The following PTPRD variants were observed in gnomAD, a reference collection of about 807,000 sequenced individuals.
The protein encoded by PTPRD is receptor-type tyrosine-protein phosphatase delta.
Under a neutral mutation model 214.5 loss-of-function variants are expected in PTPRD, and 34 were observed. That is an observed-to-expected ratio of 0.16 (90% CI 0.12 to 0.21). The LOEUF is 0.21. Among genes scored for constraint, PTPRD ranks in the 10% least tolerant of loss-of-function variants. PTPRD has a pLI of 1.00. For missense variants in PTPRD, 2,545 were observed against 2,398.7 expected (o/e 1.06, Z -1.27); for synonymous variants, 1,128 against 845.7 (o/e 1.33, Z -5.79).
At chr9:10,398,858 G>A (rs940131133) in intron 2 of PTPRD, among the ~76,000 whole-genome samples, 3 of 152,014 alleles carry the variant, frequency 2.0e-5, no homozygotes, top group East Asian at 3.9e-4. Flanking sequence ...AGAAAACTGA[G>A]GCATAAAAGG....
At chr9:8,963,992 G>T (rs543605005) in intron 11 of PTPRD, among the ~76,000 whole-genome samples, 1 of 151,946 alleles carries the variant, frequency 6.6e-6, no homozygotes, top group African/African-American at 2.4e-5. Flanking sequence ...GTTTATCAGG[G>T]ATGTTGGCCT....
At chr9:8,446,779 C>T (rs2095746391) in intron 34 of PTPRD, among the ~76,000 whole-genome samples, 1 of 152,136 alleles carries the variant, frequency 6.6e-6, no homozygotes, top group African/African-American at 2.4e-5. Flanking sequence ...ACCTGTCATG[C>T]AACACCTAAT....
In PTPRD at chr9:8,801,968, T is replaced by G. The variant is rs150625965; in HGVS notation, c.-103-68022A>C. 3.3e-5 allele frequency among the ~76,000 whole-genome samples: 5 copies of G among 152,326 alleles called. No individual in the cohort carries two copies. The East Asian group carries it at 9.7e-4, about 29-fold the overall frequency. ...AAATGTGAACTGAGATAATTCCCAC[T>G]TACTTTACCTCTCAATGAGGTAAGG... is the stretch of plus-strand genomic sequence containing the variant. On this transcript the variant is annotated intron_variant, in intron 11 of 45. Coordinates refer to ENST00000381196, the MANE Select transcript of PTPRD (RefSeq NM_002839.4).
intron 8 of PTPRD, among the ~76,000 whole-genome samples, chr9:9,557,341 T>C (rs901661695): frequency 1.3e-5 from 2 of 152,158 alleles, no homozygotes; most frequent in South Asian, 4.1e-4. Flanking sequence ...AAGCAGACTC[T>C]TTGTACCAAT....
chr9:8,969,943 G>T (rs986291669), intron 11 of PTPRD, among the ~76,000 whole-genome samples: 2 of 151,928 alleles, frequency 1.3e-5, no homozygotes, highest in South Asian at 2.1e-4. Context: ...ATAGATGAAA[G>T]CATGGTGTGT....
intron 3 of PTPRD, among the ~76,000 whole-genome samples, chr9:10,094,070 G>C (rs371850479): frequency 6.6e-6 from 1 of 151,260 alleles, no homozygotes; most frequent in Admixed American, 6.6e-5. Context: ...ATCTGCACAT[G>C]TACCTGTTGA....
intron 2 of PTPRD, among the ~76,000 whole-genome samples, chr9:10,461,811 G>A (rs538349912): frequency 1.5e-4 from 23 of 151,970 alleles, no homozygotes; most frequent in African/African-American, 4.8e-4. Context: ...TAGTAGAGAC[G>A]GGGTTTAACC....
At chr9:9,909,041 GA>G (rs1300501621) in intron 5 of PTPRD, among the ~76,000 whole-genome samples, 1 of 147,194 alleles carries the variant, frequency 6.8e-6, no homozygotes, top group Non-Finnish European at 1.5e-5. Context: ...GTAAATAAAG[GA>G]TTTTTTTCAC....
At chr9:9,643,083 G>A (rs918003773) in intron 7 of PTPRD, among the ~76,000 whole-genome samples, 1 of 152,210 alleles carries the variant, frequency 6.6e-6, no homozygotes, top group Non-Finnish European at 1.5e-5. Context: ...GAGAGGGAGA[G>A]AGAGATTTGA....
At chr9:9,769,317 CTTTT>C (rs34497562) in intron 5 of PTPRD, among the ~76,000 whole-genome samples, 5 of 69,592 alleles carry the variant, frequency 7.2e-5, no homozygotes, top group East Asian at 5.1e-4. Flanking sequence ...ACCAGAAGCC[CTTTT>C]TTTTTTTTTT....
chr9:9,627,748 T>C (rs568940920), intron 7 of PTPRD, among the ~76,000 whole-genome samples: 3 of 152,322 alleles, frequency 2.0e-5, no homozygotes, highest in Admixed American at 2.0e-4. Flanking sequence ...TTGAGATCAG[T>C]TCTTCCCCAA....
At chr9:9,947,445 T>TAAAA (rs1566619288) in intron 4 of PTPRD, among the ~76,000 whole-genome samples, 1 of 27,488 alleles carries the variant, frequency 3.6e-5, no homozygotes, top group Non-Finnish European at 4.8e-5. Flanking sequence ...ATTATATATT[T>TAAAA]TATATATTTT....
intron 2 of PTPRD, among the ~76,000 whole-genome samples, chr9:10,533,755 T>C (rs2057066879): frequency 6.6e-6 from 1 of 151,872 alleles, no homozygotes; most frequent in African/African-American, 2.4e-5. Flanking sequence ...AGTAAGAATA[T>C]AATAATAAAT....
intron 12 of PTPRD, among the ~76,000 whole-genome samples, chr9:8,657,183 T>C (rs940213562): frequency 6.6e-6 from 1 of 150,390 alleles, no homozygotes; most frequent in Non-Finnish European, 1.5e-5. Flanking sequence ...TTTTTTTTTT[T>C]TGAGACAGAG....
chr9:9,831,226 C>A (rs2054716672), intron 5 of PTPRD, among the ~76,000 whole-genome samples: 1 of 151,914 alleles, frequency 6.6e-6, no homozygotes, highest in Non-Finnish European at 1.5e-5. Flanking sequence ...GAACGACACA[C>A]ACTTCTAAAT....
At chr9:9,621,406 A>G (rs1232883746) in intron 7 of PTPRD, among the ~76,000 whole-genome samples, 1 of 152,118 alleles carries the variant, frequency 6.6e-6, no homozygotes, top group Non-Finnish European at 1.5e-5. Context: ...TAAAGACACA[A>G]TTTTCTCCTA....
At chr9:8,931,893 G>C (rs188002488) in intron 11 of PTPRD, among the ~76,000 whole-genome samples, 1 of 152,204 alleles carries the variant, frequency 6.6e-6, no homozygotes, top group East Asian at 1.9e-4. Context: ...TTAGCCTTGA[G>C]AGGTTGTATG....
In PTPRD at chr9:9,370,054, A is replaced by G. The variant is rs937076400; in HGVS notation, c.-203+27395T>C. ...TGAAGTCAGGTAGCGTGATGCCTCC[A>G]GCTTTGTTCTTTTGGCTTAGGATTG... On this transcript the variant is annotated intron_variant, in intron 9 of 45. Transcript: ENST00000381196. Among the ~76,000 whole-genome samples the G allele has an allele frequency of 1.9e-3, 286 of 152,224 alleles. 1 individual carries two copies. The highest frequency in any genetic ancestry group is 6.8e-3 in the Middle Eastern group (2 of 294).
intron 10 of PTPRD, among the ~76,000 whole-genome samples, chr9:9,123,163 A>G (rs1176552280): frequency 6.6e-6 from 1 of 152,158 alleles, no homozygotes; most frequent in East Asian, 1.9e-4. Flanking sequence ...CTGAAACACT[A>G]ATATTTTCAT....
Sources: gnomAD v4.1 joint callset for allele counts (sites outside exome capture counted in the v4.1 genomes callset) on GRCh38, gnomAD v4.1.1 for gene constraint, MANE v1.5 for transcripts, NCBI Gene and HGNC (gene_info 2026-07-23, HGNC 2026-07-21) for gene names.